Variants in TBL1X observed in about 807,000 individuals in gnomAD.
TBL1X encodes the protein F-box-like/WD repeat-containing protein TBL1X.
Under a neutral mutation model 50.7 loss-of-function variants are expected in TBL1X, and 10 were observed. The ratio of observed to expected loss-of-function variants is 0.20; its 90% CI spans 0.12 to 0.33. The LOEUF is 0.33. Ranked by LOEUF, TBL1X falls within the 10% of genes least tolerant of loss-of-function variation. The pLI, the probability that TBL1X is intolerant of heterozygous loss-of-function variation, is 1.00. For missense variants in TBL1X, 340 were observed against 504.4 expected, an observed-to-expected ratio of 0.67 and a Z score of 3.12; for synonymous variants, 190 against 214.7, an observed-to-expected ratio of 0.88 and a Z score of 1.01.
At chrX:9,699,549 A>G (rs2083156394) in intron 12 of TBL1X, among the ~76,000 whole-genome samples, 1 of 111,700 alleles carries the variant, frequency 9.0e-6, no homozygotes, top group Non-Finnish European at 1.9e-5. Context: ...GGGTGCTTAA[A>G]TGATGTTCTG....
At chrX:9,533,212 G>T (rs1850406656) in intron 2 of TBL1X, among the ~76,000 whole-genome samples, 1 of 111,881 alleles carries the variant, frequency 8.9e-6, no homozygotes, top group Non-Finnish European at 1.9e-5. Context: ...GCAGCATCAG[G>T]TGTGAACAGC....
chrX:9,709,521 G>A lies in TBL1X; in HGVS notation c.1312-112G>A, dbSNP rs2083231481. The A allele has an allele frequency of 9.1e-6, 10 of 1,099,971 alleles. No homozygotes were observed. In the South Asian group the frequency reaches 1.9e-4, roughly 21 times the overall value. 90.6% of individuals were successfully genotyped at this position (1,099,971 alleles called of 1,213,427 possible). A position where few individuals can be genotyped will look rare whatever the true frequency, so the allele number is the denominator to read the frequency against. On this transcript the variant is annotated intron_variant, in intron 14 of 17. Transcript: ENST00000645353. ...TCCCTGCAGCCTTTCTCACCACTGT[G>A]CACCCTCCACCCTGCCCTGGGCCCC...
At chrX:9,534,780 C>T (rs935542324) in intron 2 of TBL1X, 6 of 111,045 alleles carry the variant, frequency 5.4e-5, no homozygotes, top group Admixed American at 4.8e-4. Flanking sequence ...CCCTCTTCCC[C>T]CCTCTCTGAG....
At position 9,717,302 on chromosome X, in the gene TBL1X, C is replaced by A. The variant is rs1286545147; in HGVS notation, c.*1056C>A. The A allele has an allele frequency of 8.9e-6, 1 of 111,791 alleles. No individual in the cohort carries two copies. Among genetic ancestry groups the A allele is most frequent in the Non-Finnish European group, 1.9e-5 (1 of 53,085 alleles). The allele number at this position is 111,791 out of a possible 1,213,427, so 9.2% of individuals were successfully genotyped here. A position where few individuals can be genotyped will look rare whatever the true frequency, so the allele number is the denominator to read the frequency against. ...AACAATTTTAAAATCTTAAAATGGC[C>A]ATCAGACATAGAGAGCTTTGTGTGA... On this transcript the variant is annotated 3_prime_UTR_variant, in exon 18 of 18. Coordinates refer to ENST00000645353, the MANE Select transcript of TBL1X (RefSeq NM_005647.4).
At chrX:9,635,036 G>A (rs1421125621) in intron 2 of TBL1X, among the ~76,000 whole-genome samples, 3 of 111,286 alleles carry the variant, frequency 2.7e-5, no homozygotes, top group Admixed American at 9.5e-5. Context: ...CAAGATGTCC[G>A]CCCACCTAAA....
chrX:9,695,997 C>G (rs1386203858), intron 11 of TBL1X, among the ~76,000 whole-genome samples: 1 of 112,226 alleles, frequency 8.9e-6, no homozygotes, highest in Non-Finnish European at 1.9e-5. Flanking sequence ...AAAATAACAT[C>G]CTTGTACATA....
intron 1 of TBL1X, among the ~76,000 whole-genome samples, chrX:9,492,775 G>A (rs763758283): frequency 1.5e-4 from 16 of 108,591 alleles, no homozygotes; most frequent in African/African-American, 5.1e-4. Flanking sequence ...TTCATGGCAC[G>A]GTGATACAGG....
intron 2 of TBL1X, among the ~76,000 whole-genome samples, chrX:9,606,962 C>T (rs12395802): frequency 0.027 from 3,058 of 112,368 alleles, 104 homozygotes; most frequent in African/African-American, 0.094. Flanking sequence ...CTACTACAGT[C>T]TTCTGTGCAA....
At chrX:9,578,280 C>A (rs144243260) in intron 2 of TBL1X, among the ~76,000 whole-genome samples, 2 of 111,318 alleles carry the variant, frequency 1.8e-5, no homozygotes, top group South Asian at 7.6e-4. Flanking sequence ...CTGTCTCCCA[C>A]GCTGGAGTGC....
At chrX:9,589,409 T>C (rs983006617) in intron 2 of TBL1X, among the ~76,000 whole-genome samples, 1 of 109,094 alleles carries the variant, frequency 9.2e-6, no homozygotes, top group African/African-American at 3.4e-5. Context: ...TTGTAGATGC[T>C]ACAAGGGAAC....
chrX:9,490,280 G>A (rs959632085), intron 1 of TBL1X, among the ~76,000 whole-genome samples: 2 of 111,974 alleles, frequency 1.8e-5, no homozygotes, highest in African/African-American at 3.2e-5. Context: ...CAGGGTGCTT[G>A]TTAAACCTGC....
At chrX:9,622,063 A>G (rs1421587693) in intron 2 of TBL1X, among the ~76,000 whole-genome samples, 3 of 109,117 alleles carry the variant, frequency 2.7e-5, no homozygotes, top group African/African-American at 6.7e-5. Context: ...GCTCATTTTC[A>G]CTCTCATAAC....
At chrX:9,491,358 TGAGACAGAG>T (rs2081944053) in intron 1 of TBL1X, among the ~76,000 whole-genome samples, 3 of 91,613 alleles carry the variant, frequency 3.3e-5, no homozygotes, top group Admixed American at 1.2e-4. Context: ...TTTTTTTCTT[TGAGACAGAG>T]TCTCACTGTG....
At chrX:9,581,164 A>G (rs1317168231) in intron 2 of TBL1X, among the ~76,000 whole-genome samples, 2 of 112,397 alleles carry the variant, frequency 1.8e-5, no homozygotes, top group Non-Finnish European at 3.8e-5. Context: ...GGAATTGCAC[A>G]TAGCTAAGTG....
chrX:9,581,041 C>G (rs1476406816), intron 2 of TBL1X, among the ~76,000 whole-genome samples: 1 of 111,633 alleles, frequency 9.0e-6, no homozygotes, highest in East Asian at 2.8e-4. Flanking sequence ...GAAGTCCATT[C>G]AGGTGCTTGG....
chrX:9,540,133 A>G (rs958882123), intron 2 of TBL1X, among the ~76,000 whole-genome samples: 1 of 112,643 alleles, frequency 8.9e-6, no homozygotes, highest in African/African-American at 3.2e-5. Flanking sequence ...GTAACTAATC[A>G]TCATCACTGT....
intron 5 of TBL1X, among the ~76,000 whole-genome samples, chrX:9,657,231 G>A (rs1010749915): frequency 1.2e-4 from 14 of 112,114 alleles, no homozygotes; most frequent in African/African-American, 4.2e-4. Context: ...CCTGCAGTGC[G>A]GCAGGACAGC....
At position 9,717,271 on chromosome X, in the gene TBL1X, T is replaced by A. The variant is rs2083285094; in HGVS notation, c.*1025T>A. 8.9e-6 allele frequency: 1 copy of A among 112,237 alleles called. No individual in the cohort carries two copies. Among genetic ancestry groups the A allele is most frequent in the African/African-American group, 3.2e-5 (1 of 30,819 alleles). 9.2% of individuals were successfully genotyped at this position (112,237 alleles called of 1,213,427 possible). On this transcript the variant is annotated 3_prime_UTR_variant, in exon 18 of 18. Transcript: ENST00000645353. ...TTTGGAAAAAAAAATAATATTTTTATGTTAAAACAATTTTAAAATCTTAAA... is the reference window on the plus strand; with the variant it reads ...TTTGGAAAAAAAAATAATATTTTTAAGTTAAAACAATTTTAAAATCTTAAA...
At chrX:9,556,024 C>CA (rs1367690559) in intron 2 of TBL1X, among the ~76,000 whole-genome samples, 3 of 106,083 alleles carry the variant, frequency 2.8e-5, no homozygotes, top group Non-Finnish European at 3.9e-5. Context: ...CTCATCTCCA[C>CA]AAAAAAATAC....
Sources: gnomAD v4.1 joint callset for allele counts (sites outside exome capture counted in the v4.1 genomes callset) on GRCh38, gnomAD v4.1.1 for gene constraint, MANE v1.5 for transcripts, NCBI Gene and HGNC (gene_info 2026-07-23, HGNC 2026-07-21) for gene names.